KLRC2: variants seen among roughly 807,000 people sequenced by gnomAD.
KLRC2 encodes killer cell lectin like receptor C2, also known as NKG2-C type II integral membrane protein.
In KLRC2, 10 loss-of-function variants were observed where a neutral mutation model predicts 25.5. That is an observed-to-expected ratio of 0.39 (90% CI 0.24 to 0.67). The LOEUF (loss-of-function observed/expected upper bound fraction) is 0.67, where lower values mean the gene tolerates loss of function less well. KLRC2 is among the 30% of genes least tolerant of loss of function. The probability of loss-of-function intolerance (pLI) is 0.45; values close to 1 mark genes in which losing one functional copy is unlikely to be tolerated. For synonymous variants in KLRC2, 48 were observed against 93.3 expected (o/e 0.51, Z 2.80); for missense variants, 170 against 272.8 (o/e 0.62, Z 2.65).
chr12:10,432,880 G>T (rs1257289440), intron 4 of KLRC2, among the ~76,000 whole-genome samples: 1 of 137,750 alleles, frequency 7.3e-6, no homozygotes, highest in Non-Finnish European at 1.6e-5. Context: ...CACGACAGAA[G>T]AAGGTGACCT....
In KLRC2 at chr12:10,432,151, C is replaced by A; in HGVS notation, c.539G>T (p.Ser180Ile). The A allele has an allele frequency of 6.5e-7, 1 of 1,529,834 alleles. No homozygotes were observed. The highest frequency in any genetic ancestry group is 1.2e-5 in the South Asian group (1 of 85,834). The allele number at this position is 1,529,834 out of a possible 1,614,324, so 94.8% of individuals were successfully genotyped here. ...ATTTATTGTCACCCATGGATGATGA[C>A]TGCTGTTACGAAACACACCAATCCA... ...SSWIGVFRNS[S>I]HHPWVTINGL... The change falls in exon 5 of 6, where the codon AGT becomes ATT. Residue 180 changes from serine to isoleucine, a missense_variant. Coordinates refer to ENST00000381902, the MANE Select transcript of KLRC2 (RefSeq NM_002260.4).
chr12:10,433,186 C>T (rs1393882124), intron 4 of KLRC2, among the ~76,000 whole-genome samples: 3 of 141,578 alleles, frequency 2.1e-5, no homozygotes, highest in South Asian at 2.2e-4. Flanking sequence ...GACAAGGACT[C>T]AATGGATTCT....
At chr12:10,433,619 G>A (rs1591606623) in intron 4 of KLRC2, among the ~76,000 whole-genome samples, 172 bp downstream of exon 4, 1 of 142,194 alleles carries the variant, frequency 7.0e-6, no homozygotes, top group Admixed American at 6.9e-5. Flanking sequence ...GAAAATAAAT[G>A]TACATTAGCA....
chr12:10,434,049 C>T lies in KLRC2; in HGVS notation c.332-107G>A, dbSNP rs1271674008. On this transcript the variant is annotated intron_variant, in intron 3 of 5. Transcript: ENST00000381902. The stretch of plus-strand genomic sequence containing the variant: ...CATATATGTGCTTAACATATTTACG[C>T]ATCCTTACAGGCTTATAAATGTATA... 39 of 1,413,408 alleles carry T rather than the reference C, an allele frequency of 2.8e-5. 12 individuals are homozygous for T. The East Asian group carries it at 9.0e-4, about 32-fold the overall frequency. The allele number at this position is 1,413,408 out of a possible 1,614,324, so 87.6% of individuals were successfully genotyped here.
In KLRC2 at chr12:10,433,544, T is replaced by C. The variant is rs186204977; in HGVS notation, c.483+247A>G. Among the ~76,000 whole-genome samples the C allele has an allele frequency of 1.7e-3, 239 of 141,954 alleles. 39 individuals are homozygous for C. The highest frequency in any genetic ancestry group is 5.8e-3 in the African/African-American group (215 of 37,212). 93.1% of individuals were successfully genotyped at this position (141,954 alleles called of 152,430 possible). A position where few individuals can be genotyped will look rare whatever the true frequency, so the allele number is the denominator to read the frequency against. ...TGATATCATGCCCGATAAAATTAGA[T>C]AGCAAAATTTATTGTGGATTCAAAG... On this transcript the variant is annotated intron_variant, in intron 4 of 5. Coordinates refer to ENST00000381902, the MANE Select transcript of KLRC2 (RefSeq NM_002260.4).
At position 10,433,833 on chromosome 12, in the gene KLRC2, C is replaced by T. The variant is rs779739177; in HGVS notation, c.441G>A (p.Ser147=). Reference sequence around the variant, plus strand: ...CTATAGAAAGCAGACTGGAGTTCTTCGAAGTACAGGCCAGCAAACTCTCTT... The same window carrying T: ...CTATAGAAAGCAGACTGGAGTTCTTTGAAGTACAGGCCAGCAAACTCTCTT... The part of the protein sequence containing the change: ...TWEESLLACT[S]KNSSLLSIDN... The change falls in exon 4 of 6, where the codon TCG becomes TCA. Residue 147 remains serine, a synonymous_variant. Transcript: ENST00000381902. The T allele has an allele frequency of 1.7e-5, 26 of 1,550,182 alleles. 4 individuals carry two copies. Among genetic ancestry groups the T allele is most frequent in the African/African-American group, 1.3e-4 (9 of 68,328 alleles).
At position 10,435,852 on chromosome 12, in the gene KLRC2, A is replaced by T. The variant is rs143724007; in HGVS notation, c.135T>A (p.Leu45=). The T allele has an allele frequency of 5.4e-4, 845 of 1,551,550 alleles. 100 individuals carry two copies. The highest frequency in any genetic ancestry group is 6.8e-4 in the Admixed American group (40 of 58,662). Residue 45 remains leucine, a synonymous_variant, in exon 1 of 6, where the codon CTT becomes CTA. Coordinates refer to ENST00000381902, the MANE Select transcript of KLRC2 (RefSeq NM_002260.4). The part of the protein sequence containing the change: ...EQEIFQVELN[L]QNPSLNHQGI... ...CTTGATGATTCAGGGAAGGATTTTG[A>T]AGATTTAATTCTACTTGGAATATTT...
chr12:10,431,325 A>T (rs780107242), intron 5 of KLRC2, 97 bp from the exon 6 acceptor site: 2 of 1,408,890 alleles, frequency 1.4e-6, no homozygotes. Context: ...AATTTCATGG[A>T]AAAGGGTAAT....
chr12:10,434,099 C>T lies in KLRC2; in HGVS notation c.332-157G>A, dbSNP rs778270201. ...ATTTTTAATAACTGAGTCAGTCATA[C>T]ACACATGCACAGACAAGGGTTAGCC... On this transcript the variant is annotated intron_variant, in intron 3 of 5. Transcript: ENST00000381902. The T allele has an allele frequency of 2.5e-4, 297 of 1,176,758 alleles. 34 individuals are homozygous for T. The highest frequency in any genetic ancestry group is 3.3e-4 in the Non-Finnish European group (279 of 855,140). The allele number at this position is 1,176,758 out of a possible 1,614,324, so 72.9% of individuals were successfully genotyped here.
chr12:10,431,530 T>G (rs1443109289), intron 5 of KLRC2, among the ~76,000 whole-genome samples: 1 of 141,810 alleles, frequency 7.1e-6, no homozygotes, highest in African/African-American at 2.7e-5. Flanking sequence ...TTAGGCACAA[T>G]AAGAGATTGA....
At position 10,433,820 on chromosome 12, in the gene KLRC2, G is replaced by C; in HGVS notation, c.454C>G (p.Leu152Val). ...LLACTSKNSS[L>V]LSIDNEEEMK... ...TCTTCTTCATTATCTATAGAAAGCA[G>C]ACTGGAGTTCTTCGAAGTACAGGCC... The change falls in exon 4 of 6, where the codon CTG (leucine) becomes GTG (valine). Residue 152 changes from leucine (L) to valine (V), a missense_variant. Physicochemically the swap from Leu to Val is conservative, Grantham distance 32. Transcript: ENST00000381902. The C allele has an allele frequency of 6.5e-7, 1 of 1,549,844 alleles. No individual in the cohort carries two copies.
intron 5 of KLRC2, among the ~76,000 whole-genome samples, chr12:10,431,798 C>T (rs1863819502): frequency 7.5e-6 from 1 of 133,584 alleles, no homozygotes; most frequent in African/African-American, 2.9e-5. Flanking sequence ...TTTTTTAGCT[C>T]GTCAGCTATC....
Position 10,431,019 on chromosome 12 carries a change from AATAAC to A in KLRC2, c.*93_*97del. The A allele has an allele frequency of 8.7e-7, 1 of 1,147,852 alleles. No homozygotes were observed. The highest frequency in any genetic ancestry group is 1.2e-6 in the Non-Finnish European group (1 of 840,588). The allele number at this position is 1,147,852 out of a possible 1,614,324, so 71.1% of individuals were successfully genotyped here. On this transcript the variant is annotated 3_prime_UTR_variant, in exon 6 of 6. Coordinates refer to ENST00000381902, the MANE Select transcript of KLRC2 (RefSeq NM_002260.4). ...GATTTAGAATTTTTGTATCAGAGCAAATAACATAATTCATTTTCAGATTTATGCAA... is the reference window on the plus strand; with the variant it reads ...GATTTAGAATTTTTGTATCAGAGCAAATAATTCATTTTCAGATTTATGCAA...
At chr12:10,434,582 C>G in intron 2 of KLRC2, 52 bp from the exon 3 acceptor site, 2 of 1,379,108 alleles carry the variant, frequency 1.5e-6, no homozygotes, top group Non-Finnish European at 2.0e-6. Context: ...TCTAGATAAA[C>G]CATAACGAGT....
intron 4 of KLRC2, 55 bp downstream of exon 4, chr12:10,433,736 G>T: frequency 1.4e-6 from 2 of 1,476,386 alleles, no homozygotes; most frequent in Non-Finnish European, 1.9e-6. Context: ...TTCTACAAAT[G>T]TATTATTCAC....
At chr12:10,432,305 C>A (rs1863824918) in intron 4 of KLRC2, 99 bp from the exon 5 acceptor site, 4 of 743,880 alleles carry the variant, frequency 5.4e-6, no homozygotes, top group African/African-American at 2.1e-5. Flanking sequence ...GTGCCAAAAA[C>A]TTTCATAAAT....
At chr12:10,433,188 A>G (rs1863832786) in intron 4 of KLRC2, among the ~76,000 whole-genome samples, 1 of 141,852 alleles carries the variant, frequency 7.0e-6, no homozygotes, top group Non-Finnish European at 1.5e-5. Flanking sequence ...CAAGGACTCA[A>G]TGGATTCTTA....
At position 10,433,462 on chromosome 12, in the gene KLRC2, T is replaced by C. The variant is rs149110278; in HGVS notation, c.483+329A>G. The stretch of plus-strand genomic sequence containing the variant: ...GCTAGAGCTGGAAACTTTTATTTCA[T>C]GATCTGACTTGTATCACATGCATTC... On this transcript the variant is annotated intron_variant, in intron 4 of 5. Transcript: ENST00000381902. Among the ~76,000 whole-genome samples, 819 of 142,318 alleles carry C rather than the reference T, an allele frequency of 5.8e-3. 124 individuals are homozygous for C. Among genetic ancestry groups the C allele is most frequent in the Non-Finnish European group, 9.1e-3 (590 of 64,896 alleles). The allele number at this position is 142,318 out of a possible 152,430, so 93.4% of individuals were successfully genotyped here.
rs1414241406 is a variant in KLRC2 at position 10,431,004 on chromosome 12, T to G, written c.*113A>C. The G allele has an allele frequency of 6.9e-6, 8 of 1,161,296 alleles. 2 individuals carry two copies. The African/African-American group carries it at 1.2e-4, about 18-fold the overall frequency. 71.9% of individuals were successfully genotyped at this position (1,161,296 alleles called of 1,614,324 possible). A position where few individuals can be genotyped will look rare whatever the true frequency, so the allele number is the denominator to read the frequency against. ...CCTATTTCAATAATTGATTTAGAAT[T>G]TTTGTATCAGAGCAAATAACATAAT... On this transcript the variant is annotated 3_prime_UTR_variant, in exon 6 of 6. Transcript: ENST00000381902.
Sources: allele counts gnomAD v4.1 joint callset (sites outside exome capture counted in the v4.1 genomes callset), GRCh38; gene constraint gnomAD v4.1.1; transcripts MANE v1.5; gene names NCBI Gene and HGNC (gene_info 2026-07-23, HGNC 2026-07-21).